SHC4: variants seen among roughly 807,000 people sequenced by gnomAD.
The protein encoded by SHC4 is SHC adaptor protein 4.
Under a neutral mutation model 69.4 loss-of-function variants are expected in SHC4, and 41 were observed. The observed-to-expected ratio is 0.59, with a 90% CI of 0.46 to 0.77. The LOEUF is 0.77. Ranked by LOEUF, SHC4 falls within the 30% of genes least tolerant of loss-of-function variation. SHC4 has a pLI of 0.00. For synonymous variants in SHC4, 318 were observed against 299.3 expected, an observed-to-expected ratio of 1.06 and a Z score of -0.64; for missense variants, 777 against 783.8, an observed-to-expected ratio of 0.99 and a Z score of 0.10.
chr15:48,882,457 C>T (rs984260432), intron 4 of SHC4, among the ~76,000 whole-genome samples: 2 of 152,106 alleles, frequency 1.3e-5, no homozygotes, highest in African/African-American at 4.8e-5. Context: ...GAAAACCACC[C>T]GTTATCCTCA....
chr15:48,915,171 A>T (rs1215224970), intron 2 of SHC4, among the ~76,000 whole-genome samples: 1 of 152,204 alleles, frequency 6.6e-6, no homozygotes, highest in African/African-American at 2.4e-5. Flanking sequence ...TTGCCTTAGC[A>T]GCTATATTTC....
At chr15:48,918,821 A>T (rs1351879301) in intron 2 of SHC4, among the ~76,000 whole-genome samples, 1 of 152,136 alleles carries the variant, frequency 6.6e-6, no homozygotes, top group African/African-American at 2.4e-5. Context: ...GCAAATTTTG[A>T]TTTTTTGCTA....
At chr15:48,945,200 G>C (rs566219003) in intron 1 of SHC4, among the ~76,000 whole-genome samples, 42 of 152,082 alleles carry the variant, frequency 2.8e-4, no homozygotes, top group African/African-American at 9.9e-4. Flanking sequence ...AAAGAAATCT[G>C]ATAAAGTATA....
chr15:48,880,536 GAA>G (rs1012533092), intron 4 of SHC4, among the ~76,000 whole-genome samples: 1 of 146,462 alleles, frequency 6.8e-6, no homozygotes, highest in East Asian at 2.1e-4. Flanking sequence ...TAAACTCTTG[GAA>G]AAAAAAATCT....
chr15:48,896,537 T>C (rs1595749070), intron 2 of SHC4, among the ~76,000 whole-genome samples: 1 of 152,082 alleles, frequency 6.6e-6, no homozygotes, highest in African/African-American at 2.4e-5. Flanking sequence ...GCCAGGCTGG[T>C]CTCAAACTCC....
intron 11 of SHC4, 107 bp from the exon 12 acceptor site, chr15:48,826,233 T>C: frequency 9.1e-7 from 1 of 1,100,356 alleles, no homozygotes; most frequent in Non-Finnish European, 1.2e-6. Context: ...GTAGATACTT[T>C]GCTGAAAAAA....
At chr15:48,835,681 C>T (rs1011484282) in intron 10 of SHC4, among the ~76,000 whole-genome samples, 2 of 152,104 alleles carry the variant, frequency 1.3e-5, no homozygotes, top group African/African-American at 2.4e-5. Context: ...CCCCAAGGCG[C>T]TGCTGAATAA....
At chr15:48,854,148 G>A (rs1899267281) in intron 8 of SHC4, among the ~76,000 whole-genome samples, 1 of 152,120 alleles carries the variant, frequency 6.6e-6, no homozygotes, top group African/African-American at 2.4e-5. Context: ...CCATTAAAAA[G>A]TGGGCAAATT....
intron 11 of SHC4, among the ~76,000 whole-genome samples, chr15:48,828,410 T>C (rs1430725414): frequency 6.6e-6 from 1 of 152,224 alleles, no homozygotes; most frequent in African/African-American, 2.4e-5. Context: ...TATTGTTTAG[T>C]GGATCTTAGT....
chr15:48,924,587 G>A (rs1334042728), intron 2 of SHC4, among the ~76,000 whole-genome samples: 1 of 152,112 alleles, frequency 6.6e-6, no homozygotes, highest in Non-Finnish European at 1.5e-5. Context: ...ATGGCTTCCT[G>A]CCAGGCATAA....
intron 4 of SHC4, 54 bp downstream of exon 4, chr15:48,884,194 C>G: frequency 6.6e-7 from 1 of 1,524,712 alleles, no homozygotes; most frequent in Non-Finnish European, 8.8e-7. Flanking sequence ...ATTATCCCCA[C>G]GCTTCTCTGA....
chr15:48,916,620 C>T (rs994669260), intron 2 of SHC4, among the ~76,000 whole-genome samples: 2 of 150,306 alleles, frequency 1.3e-5, no homozygotes, highest in African/African-American at 4.9e-5. Flanking sequence ...GGGACAGATA[C>T]ACCACGAGGC....
intron 1 of SHC4, among the ~76,000 whole-genome samples, chr15:48,946,316 C>G (rs1002567170): frequency 2.6e-5 from 4 of 152,208 alleles, no homozygotes; most frequent in Non-Finnish European, 5.9e-5. Flanking sequence ...TTTTGGAAGT[C>G]AGCTGGGTAT....
At position 48,880,985 on chromosome 15, in the gene SHC4, A is replaced by AGTGT. The variant is rs10523567; in HGVS notation, c.840+3259_840+3262dup. 9.6e-3 allele frequency among the ~76,000 whole-genome samples: 1,395 copies of AGTGT among 146,050 alleles called. 9 individuals carry two copies. The highest frequency in any genetic ancestry group is 0.041 in the East Asian group (205 of 4,960). ...AGGACTAAATGATGATGTGTGTGAG[A>AGTGT]GTGTGTGTGTGTGTGTGTGTGTGTG... On this transcript the variant is annotated intron_variant, in intron 4 of 11. Coordinates refer to ENST00000332408, the MANE Select transcript of SHC4 (RefSeq NM_203349.4).
rs1011519487 is a variant in SHC4 at position 48,946,645 on chromosome 15, A to C, written c.585+15786T>G. 8.3e-6 allele frequency: 8 copies of C among 962,322 alleles called. No homozygotes were observed. The African/African-American group carries it at 1.2e-4, about 15-fold the overall frequency. The allele number at this position is 962,322 out of a possible 1,614,324, so 59.6% of individuals were successfully genotyped here. ...GTTTCATGTTGAGATTTTTCACTGG[A>C]TGGCTGTTCCCCATTCCTTGCTTAT... On this transcript the variant is annotated intron_variant, in intron 1 of 11. Transcript: ENST00000332408.
At chr15:48,883,280 A>G (rs1899976951) in intron 4 of SHC4, among the ~76,000 whole-genome samples, 1 of 152,154 alleles carries the variant, frequency 6.6e-6, no homozygotes, top group Admixed American at 6.5e-5. Flanking sequence ...GACACTTAAA[A>G]TCCATCCTCT....
chr15:48,924,592 G>T (rs1567071328), intron 2 of SHC4, among the ~76,000 whole-genome samples: 1 of 152,104 alleles, frequency 6.6e-6, no homozygotes, highest in Admixed American at 6.5e-5. Context: ...TTCCTGCCAG[G>T]CATAATTTTA....
intron 2 of SHC4, among the ~76,000 whole-genome samples, chr15:48,911,177 C>T (rs931874145): frequency 5.3e-5 from 8 of 152,092 alleles, no homozygotes; most frequent in African/African-American, 9.7e-5. Context: ...AAGTCTCCCA[C>T]TATTATTGTG....
At chr15:48,932,483 A>G (rs1290303189) in intron 1 of SHC4, among the ~76,000 whole-genome samples, 1 of 151,710 alleles carries the variant, frequency 6.6e-6, no homozygotes, top group East Asian at 1.9e-4. Flanking sequence ...CTCTTGCTGA[A>G]CTCTTTAGCC....
Sources: allele counts gnomAD v4.1 joint callset (sites outside exome capture counted in the v4.1 genomes callset), GRCh38; gene constraint gnomAD v4.1.1; transcripts MANE v1.5; gene names NCBI Gene and HGNC (gene_info 2026-07-23, HGNC 2026-07-21).